Variants in ANKH observed in about 807,000 individuals in gnomAD.
The protein encoded by ANKH is ANKH inorganic pyrophosphate transport regulator.
ANKH carries 15 observed loss-of-function variants against 49.0 expected under a neutral mutation model. That is an observed-to-expected ratio of 0.31 (90% CI 0.20 to 0.47). The LOEUF is 0.47. Among genes scored for constraint, ANKH ranks in the 20% least tolerant of loss-of-function variants. ANKH has a pLI of 1.00. For missense variants in ANKH, 429 were observed against 652.0 expected, an observed-to-expected ratio of 0.66 and a Z score of 3.72; for synonymous variants, 273 against 260.0, an observed-to-expected ratio of 1.05 and a Z score of -0.48.
intron 8 of ANKH, among the ~76,000 whole-genome samples, chr5:14,721,174 G>T (rs549021996): frequency 5.9e-5 from 9 of 152,238 alleles, no homozygotes; most frequent in Non-Finnish European, 1.3e-4. Flanking sequence ...AGTAAGGTTT[G>T]ATGGATTTCC....
chr5:14,750,396 A>G (rs956035980), intron 5 of ANKH, among the ~76,000 whole-genome samples: 1 of 152,206 alleles, frequency 6.6e-6, no homozygotes, highest in Admixed American at 6.5e-5. Flanking sequence ...AGCAAGATCT[A>G]CCTCCTCCAA....
chr5:14,773,353 CTTTTT>C (rs71603741), intron 1 of ANKH, among the ~76,000 whole-genome samples: 43 of 76,992 alleles, frequency 5.6e-4, no homozygotes, highest in African/African-American at 1.7e-3. Flanking sequence ...GCAAAGCATT[CTTTTT>C]TTTTTTTTTT....
At position 14,710,963 on chromosome 5, in the gene ANKH, AGTT is replaced by A; in HGVS notation, c.*231_*233del. 1.9e-6 allele frequency: 1 copy of A among 518,660 alleles called. No individual in the cohort carries two copies. Among genetic ancestry groups the A allele is most frequent in the South Asian group, 2.0e-5 (1 of 49,710 alleles). 32.1% of individuals were successfully genotyped at this position (518,660 alleles called of 1,614,324 possible). ...TTTCGTGAGGCAGGGGTATGAAGTCAGTTGTTTCGTTTGTTTTTACATAGCAAC... is the reference window on the plus strand; with the variant it reads ...TTTCGTGAGGCAGGGGTATGAAGTCAGTTTCGTTTGTTTTTACATAGCAAC... On this transcript the variant is annotated 3_prime_UTR_variant, in exon 12 of 12. Transcript: ENST00000284268.
chr5:14,758,679 C>T, intron 2 of ANKH, 81 bp from the exon 3 acceptor site: 1 of 1,080,850 alleles, frequency 9.3e-7, no homozygotes, highest in Admixed American at 1.7e-5. Context: ...AGCTTAAAAA[C>T]AATTTTAAAT....
At chr5:14,721,390 G>C (rs1286273077) in intron 8 of ANKH, among the ~76,000 whole-genome samples, 1 of 152,130 alleles carries the variant, frequency 6.6e-6, no homozygotes, top group South Asian at 2.1e-4. Flanking sequence ...GGGTCTTCGC[G>C]GGGTATCGGA....
At position 14,713,705 on chromosome 5, in the gene ANKH, C is replaced by G. The variant is rs539829934; in HGVS notation, c.1142-38G>C. On this transcript the variant is annotated intron_variant, in intron 9 of 11. Transcript: ENST00000284268. The surrounding 1 kb of genome is among the most constrained non-coding windows in gnomAD (Gnocchi z 4.4). ...GCAAAGGACTCGTCAGCCGTGCCCGCCATCCACTCCCCATCCTGCTGCCTC... is the reference window on the plus strand; with the variant it reads ...GCAAAGGACTCGTCAGCCGTGCCCGGCATCCACTCCCCATCCTGCTGCCTC... 8.1e-6 allele frequency: 13 copies of G among 1,612,164 alleles called. No individual in the cohort carries two copies. The highest frequency in any genetic ancestry group is 1.1e-5 in the Non-Finnish European group (13 of 1,179,830).
intron 1 of ANKH, among the ~76,000 whole-genome samples, chr5:14,858,695 AAC>A (rs1483425685): frequency 6.6e-6 from 1 of 151,212 alleles, no homozygotes; most frequent in Non-Finnish European, 1.5e-5. Context: ...CAGCCTGGGC[AAC>A]AGAGTGAGAA....
chr5:14,791,636 ACTC>A, intron 1 of ANKH, among the ~76,000 whole-genome samples: 1 of 152,190 alleles, frequency 6.6e-6, no homozygotes, highest in African/African-American at 2.4e-5. Flanking sequence ...CCCACTTACT[ACTC>A]AATATTTATC....
chr5:14,796,691 C>T (rs1243723151), intron 1 of ANKH, among the ~76,000 whole-genome samples: 1 of 152,142 alleles, frequency 6.6e-6, no homozygotes, highest in Non-Finnish European at 1.5e-5. Flanking sequence ...ATCTATATGA[C>T]TTGAATCTCC....
intron 11 of ANKH, among the ~76,000 whole-genome samples, chr5:14,712,591 G>A (rs943445961): frequency 1.3e-5 from 2 of 152,158 alleles, no homozygotes; most frequent in African/African-American, 2.4e-5. Flanking sequence ...GCTGAATTTC[G>A]CCCCATCTAC....
intron 8 of ANKH, among the ~76,000 whole-genome samples, chr5:14,721,846 C>T (rs1371876826): frequency 7.5e-6 from 1 of 132,474 alleles, no homozygotes; most frequent in African/African-American, 2.8e-5. Context: ...AGGAGAATGG[C>T]GTGAATCGGG....
intron 6 of ANKH, among the ~76,000 whole-genome samples, chr5:14,748,851 A>G (rs1738622606): frequency 1.3e-5 from 2 of 152,266 alleles, no homozygotes; most frequent in African/African-American, 4.8e-5. Flanking sequence ...AGTGGGAGTC[A>G]GAAAACCTGG....
chr5:14,718,974 A>C (rs910893129), intron 8 of ANKH, among the ~76,000 whole-genome samples: 1 of 152,154 alleles, frequency 6.6e-6, no homozygotes, highest in African/African-American at 2.4e-5. Context: ...AGGAGAAGAG[A>C]GTTAAAGAAA....
At chr5:14,871,071 A>G in intron 1 of ANKH, 1 of 557,910 alleles carries the variant, frequency 1.8e-6, no homozygotes, top group Non-Finnish European at 3.4e-6. Flanking sequence ...CGCAAATTAC[A>G]TAATACTGCC....
intron 1 of ANKH, among the ~76,000 whole-genome samples, chr5:14,866,555 C>T (rs1202625461): frequency 6.6e-6 from 1 of 152,170 alleles, no homozygotes; most frequent in Non-Finnish European, 1.5e-5. Flanking sequence ...ATTCTTTGGA[C>T]ATGGTGAGAT....
chr5:14,724,586 T>A, intron 8 of ANKH: 1 of 985,226 alleles, frequency 1.0e-6, no homozygotes, highest in African/African-American at 1.7e-5. Flanking sequence ...CAGAGCTTGG[T>A]TTTCTGAGCT....
At chr5:14,750,097 T>C (rs542070679) in intron 5 of ANKH, among the ~76,000 whole-genome samples, 1 of 152,316 alleles carries the variant, frequency 6.6e-6, no homozygotes, top group South Asian at 2.1e-4. Flanking sequence ...TTACTGACAG[T>C]CTGACCTCAG....
intron 1 of ANKH, among the ~76,000 whole-genome samples, chr5:14,845,944 C>T (rs970494810): frequency 1.2e-4 from 17 of 144,064 alleles, no homozygotes; most frequent in African/African-American, 4.4e-4. Flanking sequence ...CAACCTCCAT[C>T]TCCCAGGTTC....
At position 14,745,393 on chromosome 5, in the gene ANKH, G is replaced by C. The variant is rs961495697; in HGVS notation, c.915+477C>G. On this transcript the variant is annotated intron_variant, in intron 7 of 11. Coordinates refer to ENST00000284268, the MANE Select transcript of ANKH (RefSeq NM_054027.6). This position sits in a 1 kb window ranked among gnomAD's most constrained non-coding sequence, Gnocchi z 4.7. ...ACAGGCTTTCCACTGGAATACGTCTGCAATATCAAAACACTGGACCCAGGT... is the reference window on the plus strand; with the variant it reads ...ACAGGCTTTCCACTGGAATACGTCTCCAATATCAAAACACTGGACCCAGGT... Among the ~76,000 whole-genome samples the C allele has an allele frequency of 6.6e-6, 1 of 152,142 alleles. No homozygotes were observed. The highest frequency in any genetic ancestry group is 2.4e-5 in the African/African-American group (1 of 41,420).
Sources: allele counts gnomAD v4.1 joint callset (sites outside exome capture counted in the v4.1 genomes callset), GRCh38; gene constraint gnomAD v4.1.1; non-coding constraint Gnocchi (gnomAD v3.1); transcripts MANE v1.5; gene names NCBI Gene and HGNC (gene_info 2026-07-23, HGNC 2026-07-21).